Variants in ZCCHC8 observed in about 807,000 individuals in gnomAD.
ZCCHC8 encodes the protein zinc finger CCHC-type containing 8, also known as zinc finger CCHC domain-containing protein 8.
A neutral mutation model predicts 70.6 loss-of-function variants in ZCCHC8; 27 were observed. That is an observed-to-expected ratio of 0.38 (90% CI 0.28 to 0.53). ZCCHC8 has a LOEUF of 0.53. ZCCHC8 is among the 20% of genes least tolerant of loss of function. The pLI is 0.81. For synonymous variants in ZCCHC8, 293 were observed against 317.4 expected, an observed-to-expected ratio of 0.92 and a Z score of 0.82; for missense variants, 737 against 876.9, an observed-to-expected ratio of 0.84 and a Z score of 2.01.
At chr12:122,485,946 T>C (rs1373929913) in intron 5 of ZCCHC8, among the ~76,000 whole-genome samples, 1 of 152,160 alleles carries the variant, frequency 6.6e-6, no homozygotes, top group Non-Finnish European at 1.5e-5. Flanking sequence ...TTTGATCAGC[T>C]CTACTTCCCC....
rs1484227616 is a variant in ZCCHC8, at chr12:122,473,988, C to T, written c.1633G>A (p.Val545Met). Residue 545 changes from valine to methionine, a missense_variant, in exon 14 of 14, where the codon GTG (valine) becomes ATG (methionine). Val to Met is a conservative substitution (Grantham distance 21). Transcript: ENST00000633063. Reference sequence around the variant, plus strand: ...GAATTGCCAGTTAAAGGTGTGTCCACAGGAACGTCGGAGTCGCTGTTTACG... The same window carrying T: ...GAATTGCCAGTTAAAGGTGTGTCCATAGGAACGTCGGAGTCGCTGTTTACG... ...ESVNSDSDVP[V>M]DTPLTGNSVA... 6.3e-7 allele frequency: 1 copy of T among 1,586,226 alleles called. No individual in the cohort carries two copies. Among genetic ancestry groups the T allele is most frequent in the Non-Finnish European group, 8.6e-7 (1 of 1,167,222 alleles).
At chr12:122,492,913 C>T (rs11613731) in intron 2 of ZCCHC8, 124 bp from the exon 3 acceptor site, 54 of 656,158 alleles carry the variant, frequency 8.2e-5, no homozygotes, top group Non-Finnish European at 1.3e-4. Context: ...CTCTGTCGCT[C>T]GTGCTGGAGT....
At position 122,471,863 on chromosome 12, in the gene ZCCHC8, T is replaced by C. The variant is rs966389896; in HGVS notation, c.*1634A>G. ...GATAACACTGCCTGAGACTAACAATTCAAGACGATCTAAACATTTATTTTC... is the reference window on the plus strand; with the variant it reads ...GATAACACTGCCTGAGACTAACAATCCAAGACGATCTAAACATTTATTTTC... On this transcript the variant is annotated 3_prime_UTR_variant, in exon 14 of 14. Transcript: ENST00000633063. 12 of 152,304 alleles carry C rather than the reference T, an allele frequency of 7.9e-5. No homozygotes were observed. Among genetic ancestry groups the C allele is most frequent in the African/African-American group, 2.9e-4 (12 of 41,576 alleles). The allele number at this position is 152,304 out of a possible 1,614,324, so 9.4% of individuals were successfully genotyped here. A position where few individuals can be genotyped will look rare whatever the true frequency, so the allele number is the denominator to read the frequency against.
rs1486419131 is a variant in ZCCHC8, at chr12:122,500,383, G to C, written c.199+259C>G. The C allele has an allele frequency of 1.9e-6, 1 of 515,978 alleles. No homozygotes were observed. The highest frequency in any genetic ancestry group is 3.5e-5 in the Admixed American group (1 of 28,800). 32.0% of individuals were successfully genotyped at this position (515,978 alleles called of 1,614,324 possible). A position where few individuals can be genotyped will look rare whatever the true frequency, so the allele number is the denominator to read the frequency against. ...AGCAGCCTAAAATAACCCTAAACAC[G>C]GCACCCGGGTGGGAGGCAGGAGTGG... is the stretch of plus-strand genomic sequence containing the variant. On this transcript the variant is annotated intron_variant, in intron 1 of 13. Coordinates refer to ENST00000633063, the MANE Select transcript of ZCCHC8 (RefSeq NM_017612.5). The surrounding 1 kb of genome is among the most constrained non-coding windows in gnomAD (Gnocchi z 4.8).
chr12:122,481,722 T>C (rs914603337), intron 9 of ZCCHC8, 58 bp from the exon 10 acceptor site: 9 of 1,561,860 alleles, frequency 5.8e-6, no homozygotes, highest in South Asian at 2.3e-5. Flanking sequence ...TGAAAACACA[T>C]AGTATTCTGG....
At chr12:122,494,389 T>TGAA (rs564397988) in intron 2 of ZCCHC8, among the ~76,000 whole-genome samples, 1 of 120,290 alleles carries the variant, frequency 8.3e-6, no homozygotes, top group Non-Finnish European at 1.8e-5. Context: ...CCGTTTCTAC[T>TGAA]AAAAAAAAAA....
At position 122,473,521 on chromosome 12, in the gene ZCCHC8, C is replaced by T. The variant is rs1187538654; in HGVS notation, c.2100G>A (p.Gln700=). The T allele has an allele frequency of 1.2e-6, 2 of 1,611,610 alleles. No homozygotes were observed. The highest frequency in any genetic ancestry group is 1.3e-5 in the African/African-American group (1 of 74,706). ...ATTATTCAGAGGCCTTTTTGTTTTTCTGCTGGTTTCGGGGTGAGTTCTTTA... is the reference window on the plus strand; with the variant it reads ...ATTATTCAGAGGCCTTTTTGTTTTTTTGCTGGTTTCGGGGTGAGTTCTTTA... ...SLLKNSPRNQ[Q]KNKKASE The change falls in exon 14 of 14, where the codon CAG becomes CAA. Residue 700 remains glutamine (Q), a synonymous_variant. Transcript: ENST00000633063.
At chr12:122,477,683 C>T (rs771819447) in intron 13 of ZCCHC8, among the ~76,000 whole-genome samples, 158 bp downstream of exon 13, 4 of 148,920 alleles carry the variant, frequency 2.7e-5, no homozygotes, top group East Asian at 2.0e-4. Context: ...CCCAACTACT[C>T]GGGAGGCTGA....
chr12:122,482,799 C>G (rs893565016), intron 7 of ZCCHC8, 104 bp from the exon 8 acceptor site: 2 of 918,326 alleles, frequency 2.2e-6, no homozygotes, highest in Non-Finnish European at 3.3e-6. Context: ...GACAAGAAAG[C>G]AAGTTGATCA....
chr12:122,474,855 C>T (rs1957389051), intron 13 of ZCCHC8, among the ~76,000 whole-genome samples: 1 of 151,402 alleles, frequency 6.6e-6, no homozygotes, highest in Non-Finnish European at 1.5e-5. Context: ...CTGCCTCAGC[C>T]TCCCGAGTAG....
In ZCCHC8 at chr12:122,483,708, C is replaced by A; in HGVS notation, c.502-145G>T. The A allele has an allele frequency of 1.4e-6, 1 of 690,638 alleles. No homozygotes were observed. The allele number at this position is 690,638 out of a possible 1,614,324, so 42.8% of individuals were successfully genotyped here. A position where few individuals can be genotyped will look rare whatever the true frequency, so the allele number is the denominator to read the frequency against. ...ACTTCCTTGTTATTAAGGAGCCAGA[C>A]TTTGATGTGTAAGTAGAAACTACAT... is the stretch of plus-strand genomic sequence containing the variant. On this transcript the variant is annotated intron_variant, in intron 5 of 13. Coordinates refer to ENST00000633063, the MANE Select transcript of ZCCHC8 (RefSeq NM_017612.5). The surrounding 1 kb of genome is among the most constrained non-coding windows in gnomAD (Gnocchi z 4.4).
chr12:122,496,785 C>A (rs1468811877), intron 2 of ZCCHC8, among the ~76,000 whole-genome samples: 2 of 152,054 alleles, frequency 1.3e-5, no homozygotes, highest in East Asian at 1.9e-4. Flanking sequence ...TTGTGCCCAG[C>A]CAAAAATGAG....
At chr12:122,480,700 G>C (rs1286871763) in intron 10 of ZCCHC8, 1 of 154,116 alleles carries the variant, frequency 6.5e-6, no homozygotes, top group Non-Finnish European at 1.4e-5. Flanking sequence ...TCAAACTCCT[G>C]AGCTCAAGAG....
chr12:122,472,085 ATAAT>A lies in ZCCHC8; in HGVS notation c.*1408_*1411del, dbSNP rs1360891483. On this transcript the variant is annotated 3_prime_UTR_variant, in exon 14 of 14. Transcript: ENST00000633063. Reference sequence around the variant, plus strand: ...AGCTGCATGCCATTCATTTTTCAAAATAATTACTTTTCAAAAATTCTGCTGTTTC... The same window carrying A: ...AGCTGCATGCCATTCATTTTTCAAAATACTTTTCAAAAATTCTGCTGTTTC... 1 of 152,184 alleles carries A rather than the reference ATAAT, an allele frequency of 6.6e-6. No individual in the cohort carries two copies. Among genetic ancestry groups the A allele is most frequent in the Non-Finnish European group, 1.5e-5 (1 of 68,036 alleles). The allele number at this position is 152,184 out of a possible 1,614,324, so 9.4% of individuals were successfully genotyped here. A position where few individuals can be genotyped will look rare whatever the true frequency, so the allele number is the denominator to read the frequency against.
At position 122,478,230 on chromosome 12, in the gene ZCCHC8, A is replaced by C; in HGVS notation, c.1203T>G (p.Asn401Lys). Reference sequence around the variant, plus strand: ...CCGCTTGGAAGTTAGAAGTAAGGTAATTGGCAAACACATCCTTCTGCTGAC... The same window carrying C: ...CCGCTTGGAAGTTAGAAGTAAGGTACTTGGCAAACACATCCTTCTGCTGAC... The part of the protein sequence containing the change: ...QACQQKDVFA[N>K]YLTSNFQAPG... The change falls in exon 12 of 14, where the codon AAT (asparagine) becomes AAG (lysine). Residue 401 changes from asparagine (N) to lysine (K), a missense_variant. Coordinates refer to ENST00000633063, the MANE Select transcript of ZCCHC8 (RefSeq NM_017612.5). The C allele has an allele frequency of 6.2e-7, 1 of 1,601,504 alleles. No individual in the cohort carries two copies. Among genetic ancestry groups the C allele is most frequent in the Non-Finnish European group, 8.5e-7 (1 of 1,173,726 alleles).
chr12:122,498,949 G>GTGTCAGAATAT, intron 1 of ZCCHC8, 80 bp from the exon 2 acceptor site: 1 of 1,291,116 alleles, frequency 7.7e-7, no homozygotes, highest in Non-Finnish European at 1.1e-6. Flanking sequence ...CTCACTTTTG[G>GTGTCAGAATAT]TGTCAGAATA....
intron 5 of ZCCHC8, among the ~76,000 whole-genome samples, chr12:122,487,818 ATC>A (rs1174290812): frequency 2.6e-5 from 4 of 152,182 alleles, no homozygotes; most frequent in East Asian, 1.9e-4. Context: ...GTAGGCCCAT[ATC>A]TCTTTCTTTT....
chr12:122,481,447 C>T, intron 10 of ZCCHC8, 75 bp downstream of exon 10: 2 of 1,475,638 alleles, frequency 1.4e-6, no homozygotes, highest in East Asian at 2.4e-5. Context: ...ATTCCTATCA[C>T]ATTTTGTTGT....
Position 122,483,807 on chromosome 12 carries a change from G to T in ZCCHC8, c.502-244C>A. 2.6e-6 allele frequency: 1 copy of T among 387,910 alleles called. No individual in the cohort carries two copies. Among genetic ancestry groups the T allele is most frequent in the Non-Finnish European group, 4.6e-6 (1 of 218,934 alleles). The allele number at this position is 387,910 out of a possible 1,614,324, so 24.0% of individuals were successfully genotyped here. A position where few individuals can be genotyped will look rare whatever the true frequency, so the allele number is the denominator to read the frequency against. ...ATGACTATCAGCTGCATTCTCTACA[G>T]AATTCAAACAAAAAATGAAAACCTT... is the stretch of plus-strand genomic sequence containing the variant. On this transcript the variant is annotated intron_variant, in intron 5 of 13. Transcript: ENST00000633063. This position sits in a 1 kb window ranked among gnomAD's most constrained non-coding sequence, Gnocchi z 4.4.
Sources: allele counts gnomAD v4.1 joint callset (sites outside exome capture counted in the v4.1 genomes callset), GRCh38; gene constraint gnomAD v4.1.1; non-coding constraint Gnocchi (gnomAD v3.1); transcripts MANE v1.5; gene names NCBI Gene and HGNC (gene_info 2026-07-23, HGNC 2026-07-21).